DCC: variants seen among roughly 807,000 people sequenced by gnomAD.
DCC encodes netrin receptor DCC.
A neutral mutation model predicts 172.5 loss-of-function variants in DCC; 58 were observed. The ratio of observed to expected loss-of-function variants is 0.34; its 90% CI spans 0.27 to 0.42. The LOEUF is 0.42. Among genes scored for constraint, DCC ranks in the 10% least tolerant of loss-of-function variants. The pLI is 1.00. For synonymous variants in DCC, 709 were observed against 644.5 expected, an observed-to-expected ratio of 1.10 and a Z score of -1.52; for missense variants, 1,740 against 1,791.0, an observed-to-expected ratio of 0.97 and a Z score of 0.51.
intron 1 of DCC, among the ~76,000 whole-genome samples, chr18:52,561,523 A>G (rs985934994): frequency 6.6e-6 from 1 of 152,026 alleles, no homozygotes; most frequent in Non-Finnish European, 1.5e-5. Context: ...CCTGATTCTT[A>G]TCTGTACCTT....
chr18:52,986,835 TACACACAC>T (rs147730924), intron 5 of DCC, among the ~76,000 whole-genome samples: 5 of 135,990 alleles, frequency 3.7e-5, no homozygotes, highest in African/African-American at 8.7e-5. Context: ...CACATATACA[TACACACAC>T]ACACACACAC....
intron 5 of DCC, among the ~76,000 whole-genome samples, chr18:53,013,110 TAC>T (rs1440291003): frequency 3.3e-5 from 5 of 152,164 alleles, no homozygotes; most frequent in African/African-American, 1.2e-4. Context: ...AGAACACATT[TAC>T]AGTGTTGGTG....
chr18:53,276,537 G>A (rs2056808345), intron 12 of DCC, among the ~76,000 whole-genome samples: 1 of 152,090 alleles, frequency 6.6e-6, no homozygotes, highest in South Asian at 2.1e-4. Context: ...TCCAGGTAGG[G>A]CATTCCTAAT....
chr18:53,239,429 A>G (rs1308844880), intron 12 of DCC, among the ~76,000 whole-genome samples: 3 of 152,062 alleles, frequency 2.0e-5, no homozygotes, highest in Non-Finnish European at 4.4e-5. Context: ...CCAGTTAATC[A>G]TATTCTCTGC....
chr18:52,374,582 C>T (rs1985266537), intron 1 of DCC, among the ~76,000 whole-genome samples: 2 of 152,004 alleles, frequency 1.3e-5, no homozygotes, highest in African/African-American at 2.4e-5. Flanking sequence ...GATCTAAGAA[C>T]ACAGATAGGG....
intron 1 of DCC, among the ~76,000 whole-genome samples, chr18:52,534,043 C>T (rs917755077): frequency 2.0e-5 from 3 of 152,062 alleles, no homozygotes; most frequent in Non-Finnish European, 4.4e-5. Context: ...TAGTTCATTC[C>T]TTTTTGCCAC....
intron 2 of DCC, among the ~76,000 whole-genome samples, chr18:52,899,512 C>G (rs1287171972): frequency 6.6e-6 from 1 of 151,916 alleles, no homozygotes; most frequent in Non-Finnish European, 1.5e-5. Context: ...TACCACCACG[C>G]CCATCTAATT....
At chr18:53,478,596 C>T (rs966896950) in intron 25 of DCC, among the ~76,000 whole-genome samples, 13 of 152,102 alleles carry the variant, frequency 8.5e-5, no homozygotes, top group Admixed American at 3.3e-4. Flanking sequence ...AAAGAAGTCT[C>T]AAAAAGGTAG....
At chr18:53,193,370 C>T (rs929388607) in intron 9 of DCC, among the ~76,000 whole-genome samples, 1 of 152,050 alleles carries the variant, frequency 6.6e-6, no homozygotes, top group Non-Finnish European at 1.5e-5. Flanking sequence ...CCCCGCAGTG[C>T]CTGGAACACT....
chr18:53,394,610 A>G (rs1228275970), intron 17 of DCC, among the ~76,000 whole-genome samples: 1 of 152,138 alleles, frequency 6.6e-6, no homozygotes, highest in Admixed American at 6.5e-5. Context: ...GATGTTACAG[A>G]GGATATGAAG....
chr18:52,856,965 A>G (rs1396192873), intron 2 of DCC, among the ~76,000 whole-genome samples: 2 of 152,180 alleles, frequency 1.3e-5, no homozygotes, highest in African/African-American at 2.4e-5. Flanking sequence ...CTAGGCTATG[A>G]GTGTGGGTCT....
intron 17 of DCC, among the ~76,000 whole-genome samples, chr18:53,396,502 C>T (rs567683928): frequency 1.3e-5 from 2 of 152,300 alleles, no homozygotes; most frequent in Admixed American, 6.5e-5. Flanking sequence ...ACTTTAAACA[C>T]CAATGTAATC....
chr18:53,201,298 C>G (rs1437508512), intron 9 of DCC, among the ~76,000 whole-genome samples: 3 of 152,142 alleles, frequency 2.0e-5, no homozygotes, highest in Non-Finnish European at 4.4e-5. Flanking sequence ...ATGTTCACAA[C>G]AAAGAACACC....
At chr18:53,383,129 C>G (rs1366026597) in intron 15 of DCC, among the ~76,000 whole-genome samples, 1 of 152,022 alleles carries the variant, frequency 6.6e-6, no homozygotes, top group Non-Finnish European at 1.5e-5. Flanking sequence ...TAGGTTTGAT[C>G]CCTTTGGCAA....
intron 5 of DCC, among the ~76,000 whole-genome samples, chr18:52,927,128 C>CGTATATACGTGT (rs2040225528): frequency 2.5e-4 from 9 of 36,464 alleles, no homozygotes; most frequent in Non-Finnish European, 3.7e-4. Flanking sequence ...TGTATATACA[C>CGTATATACGTGT]GTATATACGT....
intron 2 of DCC, among the ~76,000 whole-genome samples, chr18:52,838,553 C>T (rs1488314119): frequency 6.6e-6 from 1 of 151,856 alleles, no homozygotes. Flanking sequence ...GGTAAGAAAT[C>T]GATTATTATT....
At chr18:53,027,778 T>C (rs966212288) in intron 5 of DCC, among the ~76,000 whole-genome samples, 6 of 152,102 alleles carry the variant, frequency 3.9e-5, no homozygotes, top group Non-Finnish European at 7.4e-5. Flanking sequence ...CTCCTACTGA[T>C]GTTAGCAATA....
At chr18:53,465,014 A>AT (rs1434097884) in intron 24 of DCC, among the ~76,000 whole-genome samples, 1 of 151,614 alleles carries the variant, frequency 6.6e-6, no homozygotes, top group East Asian at 1.9e-4. Context: ...GAAGAAAAAA[A>AT]GAAAAAGAAA....
At chr18:53,152,319 T>C (rs1028477070) in intron 7 of DCC, among the ~76,000 whole-genome samples, 1 of 152,162 alleles carries the variant, frequency 6.6e-6, no homozygotes, top group Non-Finnish European at 1.5e-5. Context: ...GGACTATCAA[T>C]AAGCTTAGAA....
Sources: allele counts gnomAD v4.1 joint callset (sites outside exome capture counted in the v4.1 genomes callset), GRCh38; gene constraint gnomAD v4.1.1; transcripts MANE v1.5; gene names NCBI Gene and HGNC (gene_info 2026-07-23, HGNC 2026-07-21).